SOX6: variants seen among roughly 807,000 people sequenced by gnomAD.
SOX6 encodes the protein transcription factor SOX-6.
Under a neutral mutation model 97.8 loss-of-function variants are expected in SOX6, and 11 were observed. The observed-to-expected ratio is 0.11, with a 90% CI of 0.07 to 0.19. The LOEUF is 0.19. Among genes scored for constraint, SOX6 ranks in the 10% least tolerant of loss-of-function variants. The pLI, the probability that SOX6 is intolerant of heterozygous loss-of-function variation, is 1.00. For missense variants in SOX6, 810 were observed against 1,039.5 expected (o/e 0.78, Z 3.04); for synonymous variants, 360 against 371.4 (o/e 0.97, Z 0.35).
intron 1 of SOX6, among the ~76,000 whole-genome samples, chr11:16,459,455 C>T (rs780421344): frequency 5.9e-5 from 9 of 152,004 alleles, no homozygotes; most frequent in Non-Finnish European, 2.9e-5. Flanking sequence ...CAAGAAGCCA[C>T]ACAAACAAAA....
chr11:16,622,639 A>C (rs2133989797), intron 3 of SOX6, among the ~76,000 whole-genome samples: 1 of 152,280 alleles, frequency 6.6e-6, no homozygotes, highest in Non-Finnish European at 1.5e-5. Context: ...ATCATATATA[A>C]ACCACAATTT....
At chr11:16,131,397 A>G (rs1849736211) in intron 6 of SOX6, among the ~76,000 whole-genome samples, 1 of 151,994 alleles carries the variant, frequency 6.6e-6, no homozygotes, top group Non-Finnish European at 1.5e-5. Flanking sequence ...CAAAACCACA[A>G]CAAGATACCC....
intron 4 of SOX6, among the ~76,000 whole-genome samples, chr11:16,550,080 T>A (rs1847665415): frequency 6.6e-6 from 1 of 152,108 alleles, no homozygotes; most frequent in Admixed American, 6.5e-5. Flanking sequence ...TGTCCATCAA[T>A]GATAGACTGA....
chr11:16,255,494 T>C (rs913639461), intron 3 of SOX6, among the ~76,000 whole-genome samples: 2 of 152,092 alleles, frequency 1.3e-5, no homozygotes, highest in African/African-American at 4.8e-5. Flanking sequence ...CAACACACTT[T>C]TAAATAACAC....
intron 4 of SOX6, among the ~76,000 whole-genome samples, chr11:16,538,059 T>A (rs925844243): frequency 6.6e-6 from 1 of 151,942 alleles, no homozygotes; most frequent in African/African-American, 2.4e-5. Context: ...GGAAAAAATG[T>A]TAAGGGCAGC....
intron 3 of SOX6, among the ~76,000 whole-genome samples, chr11:16,296,666 T>G (rs772348995): frequency 1.6e-4 from 24 of 152,138 alleles, no homozygotes; most frequent in Non-Finnish European, 2.8e-4. Flanking sequence ...AAGTGGCAAG[T>G]TTGGAGATAT....
intron 4 of SOX6, among the ~76,000 whole-genome samples, chr11:16,512,989 T>C (rs143084656): frequency 2.0e-5 from 3 of 152,100 alleles, no homozygotes; most frequent in African/African-American, 7.2e-5. Context: ...GTATATGCAA[T>C]CTAGAAAGGA....
chr11:16,255,927 C>T (rs1309466307), intron 3 of SOX6, among the ~76,000 whole-genome samples: 3 of 150,928 alleles, frequency 2.0e-5, no homozygotes, highest in Non-Finnish European at 1.5e-5. Flanking sequence ...AATTAGAAAT[C>T]TTTTTAACAA....
intron 3 of SOX6, among the ~76,000 whole-genome samples, chr11:16,622,726 A>G (rs1448320481): frequency 2.0e-5 from 3 of 152,174 alleles, no homozygotes; most frequent in Admixed American, 6.5e-5. Flanking sequence ...TGCTATAAAC[A>G]TGCATGTGCA....
intron 2 of SOX6, among the ~76,000 whole-genome samples, chr11:16,327,775 G>A (rs1856147340): frequency 6.6e-6 from 1 of 152,094 alleles, no homozygotes; most frequent in African/African-American, 2.4e-5. Context: ...GAAAGCATAG[G>A]TCAGGAGTTG....
chr11:16,000,735 C>T (rs1244577284), intron 13 of SOX6, among the ~76,000 whole-genome samples: 8 of 151,820 alleles, frequency 5.3e-5, no homozygotes, highest in African/African-American at 7.3e-5. Flanking sequence ...TGTGTGCGCG[C>T]GTGCGCGTGT....
intron 4 of SOX6, among the ~76,000 whole-genome samples, chr11:16,516,750 C>T (rs1219735550): frequency 1.3e-5 from 2 of 149,124 alleles, no homozygotes; most frequent in Non-Finnish European, 3.0e-5. Flanking sequence ...ACCAGAGGTA[C>T]AAGGAGGAAC....
At chr11:16,522,509 C>A (rs1861085181) in intron 4 of SOX6, among the ~76,000 whole-genome samples, 1 of 151,994 alleles carries the variant, frequency 6.6e-6, no homozygotes, top group African/African-American at 2.4e-5. Flanking sequence ...ACAACCAGTA[C>A]CAGCCACTGC....
intron 12 of SOX6, among the ~76,000 whole-genome samples, chr11:16,043,896 G>A (rs76081588): frequency 1.9e-3 from 285 of 151,786 alleles, no homozygotes; most frequent in African/African-American, 6.7e-3. Context: ...CCAATGACTG[G>A]TTGATGCAGG....
At chr11:16,696,307 A>T (rs1234788857) in intron 3 of SOX6, among the ~76,000 whole-genome samples, 2 of 152,214 alleles carry the variant, frequency 1.3e-5, no homozygotes, top group African/African-American at 4.8e-5. Flanking sequence ...TATAACCTTG[A>T]ATGTGTCATC....
At chr11:16,162,661 T>C (rs1007376175) in intron 6 of SOX6, among the ~76,000 whole-genome samples, 1 of 152,244 alleles carries the variant, frequency 6.6e-6, no homozygotes, top group Admixed American at 6.5e-5. Context: ...AGTGCCTTGC[T>C]TTCTGTACAG....
At chr11:16,417,763 T>A (rs928060220) in intron 1 of SOX6, among the ~76,000 whole-genome samples, 6 of 152,224 alleles carry the variant, frequency 3.9e-5, no homozygotes, top group Non-Finnish European at 8.8e-5. Flanking sequence ...TTAAACCTTA[T>A]GCAGATATTG....
At chr11:16,394,278 C>T (rs1858277279) in intron 1 of SOX6, among the ~76,000 whole-genome samples, 1 of 151,890 alleles carries the variant, frequency 6.6e-6, no homozygotes, top group Non-Finnish European at 1.5e-5. Context: ...TGAAAAAGTT[C>T]ACTTGAAAGT....
At chr11:16,552,908 CA>C (rs2133186019) in intron 4 of SOX6, among the ~76,000 whole-genome samples, 1 of 152,128 alleles carries the variant, frequency 6.6e-6, no homozygotes, top group Non-Finnish European at 1.5e-5. Context: ...ATTAAAATGG[CA>C]TTGTATAATA....
Sources: gnomAD v4.1 joint callset for allele counts (sites outside exome capture counted in the v4.1 genomes callset) on GRCh38, gnomAD v4.1.1 for gene constraint, MANE v1.5 for transcripts, NCBI Gene and HGNC (gene_info 2026-07-23, HGNC 2026-07-21) for gene names.